Variants in COL5A1 observed in about 807,000 individuals in gnomAD.
COL5A1 encodes collagen alpha-1(V) chain.
COL5A1 carries 16 observed loss-of-function variants against 263.7 expected under a neutral mutation model. The ratio of observed to expected loss-of-function variants is 0.06; its 90% CI spans 0.04 to 0.09. The LOEUF (loss-of-function observed/expected upper bound fraction) is 0.09. COL5A1 is among the 10% of genes least tolerant of loss of function. COL5A1 has a pLI of 1.00. For synonymous variants in COL5A1, 1,012 were observed against 1,004.5 expected (o/e 1.01, Z -0.14); for missense variants, 2,036 against 2,540.5 (o/e 0.80, Z 4.27).
chr9:134,774,873 CCAG>C lies in COL5A1; in HGVS notation c.2347_2349del (p.Gln783del), dbSNP rs1836997207. 1 of 1,613,812 alleles carries C rather than the reference CCAG, an allele frequency of 6.2e-7. No homozygotes were observed. The highest frequency in any genetic ancestry group is 1.3e-5 in the African/African-American group (1 of 74,932). On this transcript the variant is annotated inframe_deletion, in exon 27 of 66. Coordinates refer to ENST00000371817, the MANE Select transcript of COL5A1 (RefSeq NM_000093.5). ...TTTGGTTTTAGGGTCCACCTGGCCC[CCAG>C]GGTCCGATTGGCTACCCAGGTCCTC...
Position 134,738,798 on chromosome 9 carries a change from C to T in COL5A1, c.1484C>T (p.Pro495Leu), listed in dbSNP as rs144909439. 1.2e-6 allele frequency: 2 copies of T among 1,613,502 alleles called. No individual in the cohort carries two copies. Among genetic ancestry groups the T allele is most frequent in the African/African-American group, 2.7e-5 (2 of 74,916 alleles). Reference protein sequence around the residue: ...TMGPTGQVGDPGERGPPGRPG... With the variant: ...TMGPTGQVGDLGERGPPGRPG... Reference sequence around the variant, plus strand: ...GGTCCCACTGGCCAAGTCGGGGACCCTGGAGAAAGGGTAAGAGGTTGACTG... The same window carrying T: ...GGTCCCACTGGCCAAGTCGGGGACCTTGGAGAAAGGGTAAGAGGTTGACTG... The change falls in exon 11 of 66, where the codon CCT becomes CTT. Residue 495 changes from proline (P) to leucine (L), a missense_variant. This residue lies in a region of COL5A1 where 1,078 missense variants were observed against 1,521.4 expected (regional missense o/e 0.71). Coordinates refer to ENST00000371817, the MANE Select transcript of COL5A1 (RefSeq NM_000093.5).
intron 38 of COL5A1, among the ~76,000 whole-genome samples, chr9:134,802,329 C>G (rs1299383020): frequency 6.6e-6 from 1 of 152,218 alleles, no homozygotes; most frequent in Non-Finnish European, 1.5e-5. Context: ...CCGAGTCCTC[C>G]TGCCACTGGT....
At chr9:134,690,873 C>G in intron 1 of COL5A1, 39 bp from the exon 2 acceptor site, 1 of 1,612,690 alleles carries the variant, frequency 6.2e-7, no homozygotes, top group Non-Finnish European at 8.5e-7. Flanking sequence ...TGCTCCTTTC[C>G]TCTCCGTGGC....
At chr9:134,767,208 T>C in intron 23 of COL5A1, 102 bp from the exon 24 acceptor site, 1 of 1,465,552 alleles carries the variant, frequency 6.8e-7, no homozygotes, top group Non-Finnish European at 9.6e-7. Flanking sequence ...GGTTGGTGCC[T>C]GGATGAGGGA....
At chr9:134,819,387 C>T (rs372115886) in intron 57 of COL5A1, among the ~76,000 whole-genome samples, 1 of 152,236 alleles carries the variant, frequency 6.6e-6, no homozygotes, top group East Asian at 1.9e-4. Flanking sequence ...GCCCCAGATC[C>T]TTTCCGCAGG....
At chr9:134,721,067 T>C (rs1834432830) in intron 4 of COL5A1, among the ~76,000 whole-genome samples, 1 of 152,128 alleles carries the variant, frequency 6.6e-6, no homozygotes, top group Non-Finnish European at 1.5e-5. Context: ...GGACACAGTG[T>C]GTGGCTGCGC....
chr9:134,651,043 C>T (rs1160302295), intron 1 of COL5A1, among the ~76,000 whole-genome samples: 1 of 152,210 alleles, frequency 6.6e-6, no homozygotes, highest in African/African-American at 2.4e-5. Context: ...GGCGGCGTGG[C>T]TCCGCTCCCT....
In COL5A1 at chr9:134,810,245, C is replaced by G. The variant is rs1838466656; in HGVS notation, c.3475-10C>G. ...AGCTTTCTAACCGAATCCCCCACAC[C>G]TTCCCCTAGGGAGAGATCGGGGAGC... On this transcript the variant is annotated splice_polypyrimidine_tract_variant and intron_variant, in intron 43 of 65. Coordinates refer to ENST00000371817, the MANE Select transcript of COL5A1 (RefSeq NM_000093.5). 6.2e-7 allele frequency: 1 copy of G among 1,614,016 alleles called. No homozygotes were observed. The highest frequency in any genetic ancestry group is 1.3e-5 in the African/African-American group (1 of 75,070).
chr9:134,653,800 C>T (rs1229912558), intron 1 of COL5A1, among the ~76,000 whole-genome samples: 1 of 147,108 alleles, frequency 6.8e-6, no homozygotes, highest in African/African-American at 2.5e-5. Context: ...GTCTCTCAAG[C>T]TGGGGATCTG....
chr9:134,728,690 G>A lies in COL5A1; in HGVS notation c.807G>A (p.Glu269=), dbSNP rs1834748601. ...TTCAGTACACGGAAGGAGACGGCGA[G>A]GGTGAGACCTATTACTACGAATACC... ...PDEYYTEGDG[E]GETYYYEYPY... The change falls in exon 6 of 66, where the codon GAG becomes GAA. Residue 269 remains glutamate (E), a synonymous_variant. Transcript: ENST00000371817. 6.2e-7 allele frequency: 1 copy of A among 1,614,168 alleles called. No individual in the cohort carries two copies.
chr9:134,834,242 C>A (rs372143952), intron 64 of COL5A1, among the ~76,000 whole-genome samples: 8 of 152,316 alleles, frequency 5.3e-5, no homozygotes, highest in African/African-American at 1.7e-4. Context: ...GGTGCCCCGA[C>A]CCAGCGATCG....
intron 1 of COL5A1, among the ~76,000 whole-genome samples, chr9:134,667,400 G>A (rs1383799003): frequency 6.6e-6 from 1 of 152,242 alleles, no homozygotes; most frequent in East Asian, 1.9e-4. Flanking sequence ...GACAAAGGAT[G>A]TGACAGCATT....
intron 38 of COL5A1, among the ~76,000 whole-genome samples, chr9:134,802,219 G>A (rs183382518): frequency 1.3e-5 from 2 of 152,360 alleles, no homozygotes; most frequent in African/African-American, 4.8e-5. Context: ...AACCCAACAC[G>A]CAGGGCAAGG....
Position 134,642,164 on chromosome 9 carries a change from C to T in COL5A1, c.-24C>T, listed in dbSNP as rs1326882544. 8.8e-6 allele frequency: 11 copies of T among 1,245,252 alleles called. No individual in the cohort carries two copies. The highest frequency in any genetic ancestry group is 1.1e-5 in the Non-Finnish European group (11 of 999,926). 77.1% of individuals were successfully genotyped at this position (1,245,252 alleles called of 1,614,324 possible). ...CCGCGCGCCTCCGAGCGCCCCTGTG[C>T]GCCCCGGCCCGCGCCCCGCCGGCAT... On this transcript the variant is annotated 5_prime_UTR_variant, in exon 1 of 66. Coordinates refer to ENST00000371817, the MANE Select transcript of COL5A1 (RefSeq NM_000093.5). This position sits in a 1 kb window ranked among gnomAD's most constrained non-coding sequence, Gnocchi z 4.5.
At position 134,758,100 on chromosome 9, in the gene COL5A1, G is replaced by C; in HGVS notation, c.1882-143G>C. The C allele has an allele frequency of 1.3e-6, 1 of 781,090 alleles. No individual in the cohort carries two copies. Among genetic ancestry groups the C allele is most frequent in the Non-Finnish European group, 2.2e-6 (1 of 446,836 alleles). 48.4% of individuals were successfully genotyped at this position (781,090 alleles called of 1,614,324 possible). On this transcript the variant is annotated intron_variant, in intron 17 of 65. Coordinates refer to ENST00000371817, the MANE Select transcript of COL5A1 (RefSeq NM_000093.5). This position sits in a 1 kb window ranked among gnomAD's most constrained non-coding sequence, Gnocchi z 4.1. ...TGCAAAGTGGGGGCCTATGGGGAGAGGGCTGGCCGATGGGGTTCAGGGTGC... is the reference window on the plus strand; with the variant it reads ...TGCAAAGTGGGGGCCTATGGGGAGACGGCTGGCCGATGGGGTTCAGGGTGC...
intron 1 of COL5A1, among the ~76,000 whole-genome samples, chr9:134,645,268 C>T (rs1030273809): frequency 1.3e-5 from 2 of 152,250 alleles, no homozygotes; most frequent in African/African-American, 4.8e-5. Flanking sequence ...CACCGCCACG[C>T]CTCAGCCGAA....
In COL5A1 at chr9:134,824,719, C is replaced by T. The variant is rs190912679; in HGVS notation, c.4818C>T (p.Asp1606=). Residue 1606 remains aspartate, a synonymous_variant, in exon 62 of 66, where the codon GAC becomes GAT. Transcript: ENST00000371817. The part of the protein sequence containing the change: ...GNGENYVDYA[D]GMEEIFGSLN... Reference sequence around the variant, plus strand: ...GCGAGAACTACGTGGACTACGCGGACGGCATGGAAGAGATCTTCGGCTCTC... The same window carrying T: ...GCGAGAACTACGTGGACTACGCGGATGGCATGGAAGAGATCTTCGGCTCTC... The T allele has an allele frequency of 4.8e-5, 77 of 1,614,202 alleles. No homozygotes were observed. The highest frequency in any genetic ancestry group is 1.6e-4 in the Middle Eastern group (1 of 6,062).
intron 1 of COL5A1, among the ~76,000 whole-genome samples, chr9:134,662,012 T>G (rs909621150): frequency 5.3e-5 from 8 of 152,174 alleles, no homozygotes; most frequent in African/African-American, 1.7e-4. Flanking sequence ...GGCGGGAACC[T>G]GACTCTGTGC....
intron 28 of COL5A1, among the ~76,000 whole-genome samples, chr9:134,780,874 T>G (rs901076439): frequency 2.0e-5 from 3 of 152,258 alleles, no homozygotes; most frequent in Admixed American, 2.0e-4. Flanking sequence ...GGCCTCACCG[T>G]GCCACCCTCC....
Sources: gnomAD v4.1 joint callset for allele counts (sites outside exome capture counted in the v4.1 genomes callset) on GRCh38, gnomAD v4.1.1 for gene constraint, gnomAD v4.1.1 regional missense constraint, Gnocchi (gnomAD v3.1) non-coding constraint, MANE v1.5 for transcripts, NCBI Gene and HGNC (gene_info 2026-07-23, HGNC 2026-07-21) for gene names.